Variants in B3GALT1 observed in about 807,000 individuals in gnomAD.
B3GALT1 encodes beta-1,3-galactosyltransferase 1.
In B3GALT1, 10 loss-of-function variants were observed where a neutral mutation model predicts 23.2. The observed-to-expected ratio is 0.43, with a 90% confidence interval of 0.27 to 0.73. The LOEUF is 0.73. B3GALT1 is among the 30% of genes least tolerant of loss of function. B3GALT1 has a pLI of 0.21. For synonymous variants in B3GALT1, 156 were observed against 141.5 expected, an observed-to-expected ratio of 1.10 and a Z score of -0.73; for missense variants, 299 against 405.4, an observed-to-expected ratio of 0.74 and a Z score of 2.25.
At chr2:167,360,975 G>T (rs1460862956) in intron 1 of B3GALT1, among the ~76,000 whole-genome samples, 1 of 151,958 alleles carries the variant, frequency 6.6e-6, no homozygotes, top group African/African-American at 2.4e-5. Context: ...TCTGTACCTG[G>T]CTTATTTCAC....
intron 3 of B3GALT1, among the ~76,000 whole-genome samples, chr2:167,683,295 G>C (rs377371871): frequency 1.1e-4 from 16 of 152,282 alleles, no homozygotes; most frequent in African/African-American, 3.6e-4. Flanking sequence ...GGAAGGTGCA[G>C]GGTGATCAAA....
chr2:167,375,094 C>A (rs1697742470), intron 1 of B3GALT1, among the ~76,000 whole-genome samples: 1 of 152,068 alleles, frequency 6.6e-6, no homozygotes. Flanking sequence ...AATAGAGAAT[C>A]CTTTCCCCAT....
chr2:167,592,159 G>A (rs189987817), intron 2 of B3GALT1, among the ~76,000 whole-genome samples: 70 of 152,304 alleles, frequency 4.6e-4, no homozygotes, highest in Middle Eastern at 3.4e-3. Context: ...TGTCAACTAT[G>A]TACTTAAATA....
chr2:167,713,914 AG>A (rs1394629347), intron 3 of B3GALT1: 1 of 1,578,778 alleles, frequency 6.3e-7, no homozygotes, highest in Non-Finnish European at 8.7e-7. Context: ...GTTGGGGGAA[AG>A]GAGGTCCTCT....
intron 2 of B3GALT1, among the ~76,000 whole-genome samples, chr2:167,600,552 C>G (rs896406291): frequency 1.3e-5 from 2 of 152,122 alleles, no homozygotes; most frequent in African/African-American, 4.8e-5. Flanking sequence ...CACTCCTGTT[C>G]CCCCCAGCCT....
chr2:167,816,670 A>G (rs962507520), intron 3 of B3GALT1, among the ~76,000 whole-genome samples: 3 of 152,264 alleles, frequency 2.0e-5, no homozygotes, highest in East Asian at 1.9e-4. Flanking sequence ...TTTCCATAGT[A>G]AATTCTACAA....
chr2:167,320,163 C>G (rs988146775), intron 1 of B3GALT1, among the ~76,000 whole-genome samples: 4 of 150,522 alleles, frequency 2.7e-5, no homozygotes, highest in Non-Finnish European at 4.4e-5. Flanking sequence ...TTATGCAATT[C>G]AACATCCTGA....
intron 4 of B3GALT1, among the ~76,000 whole-genome samples, chr2:167,836,396 C>A (rs980152348): frequency 1.3e-5 from 2 of 151,974 alleles, no homozygotes; most frequent in African/African-American, 4.8e-5. Flanking sequence ...GCCTCAGGAG[C>A]CGATGCGATC....
At chr2:167,803,501 G>T (rs1447950401) in intron 3 of B3GALT1, among the ~76,000 whole-genome samples, 1 of 152,110 alleles carries the variant, frequency 6.6e-6, no homozygotes, top group Non-Finnish European at 1.5e-5. Flanking sequence ...TAGCTCTATT[G>T]TTTTTGGAAA....
At chr2:167,864,824 A>T (rs1202766432) in intron 4 of B3GALT1, among the ~76,000 whole-genome samples, 1 of 152,194 alleles carries the variant, frequency 6.6e-6, no homozygotes, top group Non-Finnish European at 1.5e-5. Flanking sequence ...ATGAAACTCT[A>T]AAATATAAAC....
At chr2:167,388,661 G>C (rs1468573429) in intron 1 of B3GALT1, among the ~76,000 whole-genome samples, 1 of 152,098 alleles carries the variant, frequency 6.6e-6, no homozygotes, top group Non-Finnish European at 1.5e-5. Flanking sequence ...CTACACAATA[G>C]AATCACCTGG....
intron 2 of B3GALT1, among the ~76,000 whole-genome samples, chr2:167,547,532 A>G (rs1683659540): frequency 6.6e-6 from 1 of 151,976 alleles, no homozygotes; most frequent in Admixed American, 6.6e-5. Context: ...CCTCTCTACT[A>G]AAAATACAAA....
chr2:167,736,827 G>A (rs1222718863), intron 3 of B3GALT1, among the ~76,000 whole-genome samples: 4 of 152,216 alleles, frequency 2.6e-5, no homozygotes, highest in Non-Finnish European at 2.9e-5. Context: ...CCAGCTACTC[G>A]GGAGGCTGAG....
chr2:167,642,820 T>C (rs1685678279), intron 2 of B3GALT1, among the ~76,000 whole-genome samples: 1 of 152,170 alleles, frequency 6.6e-6, no homozygotes, highest in Non-Finnish European at 1.5e-5. Context: ...TATTTTGTGC[T>C]CCTATTTTAT....
intron 2 of B3GALT1, among the ~76,000 whole-genome samples, chr2:167,605,847 T>A (rs998537175): frequency 2.6e-5 from 4 of 152,328 alleles, no homozygotes; most frequent in East Asian, 1.9e-4. Flanking sequence ...AGAAACTTGA[T>A]GCTCAGAGAT....
At chr2:167,470,234 C>T (rs1171002614) in intron 1 of B3GALT1, among the ~76,000 whole-genome samples, 1 of 152,164 alleles carries the variant, frequency 6.6e-6, no homozygotes, top group Non-Finnish European at 1.5e-5. Context: ...CTGGCATAAG[C>T]ATTCCCAAGA....
chr2:167,730,653 A>G (rs1430728260), intron 3 of B3GALT1, among the ~76,000 whole-genome samples: 1 of 152,140 alleles, frequency 6.6e-6, no homozygotes, highest in African/African-American at 2.4e-5. Flanking sequence ...GCCCTTCTTT[A>G]CTAATTCCTG....
At chr2:167,458,703 C>T (rs1461846815) in intron 1 of B3GALT1, among the ~76,000 whole-genome samples, 2 of 152,044 alleles carry the variant, frequency 1.3e-5, no homozygotes, top group Non-Finnish European at 2.9e-5. Context: ...TTCTCTAATG[C>T]TTATTGATTT....
chr2:167,400,895 A>G (rs1423781123), intron 1 of B3GALT1, among the ~76,000 whole-genome samples: 1 of 152,122 alleles, frequency 6.6e-6, no homozygotes, highest in Non-Finnish European at 1.5e-5. Context: ...TTCCACAGAC[A>G]AGAATGAAAT....
Sources: allele counts gnomAD v4.1 joint callset (sites outside exome capture counted in the v4.1 genomes callset), GRCh38; gene constraint gnomAD v4.1.1; transcripts MANE v1.5; gene names NCBI Gene and HGNC (gene_info 2026-07-23, HGNC 2026-07-21).